ATAD2B: variants seen among roughly 807,000 people sequenced by gnomAD.
ATAD2B encodes the protein ATPase family AAA domain-containing protein 2B.
In ATAD2B, 40 loss-of-function variants were observed where a neutral mutation model predicts 167.6. The observed-to-expected ratio is 0.24, with a 90% CI of 0.19 to 0.31. ATAD2B has a LOEUF of 0.31. ATAD2B is among the 10% of genes least tolerant of loss of function. ATAD2B has a pLI of 1.00. For missense variants in ATAD2B, 1,242 were observed against 1,757.2 expected (o/e 0.71, Z 5.24); for synonymous variants, 579 against 596.5 (o/e 0.97, Z 0.43).
At chr2:23,808,085 A>G (rs1463239029) in intron 18 of ATAD2B, among the ~76,000 whole-genome samples, 1 of 134,792 alleles carries the variant, frequency 7.4e-6, no homozygotes, top group Non-Finnish European at 1.5e-5. Context: ...AAGTAATTAT[A>G]TATATAATTA....
In ATAD2B at chr2:23,823,245, T is replaced by G. The variant is rs1350033580; in HGVS notation, c.2131+13A>C. The G allele has an allele frequency of 3.2e-6, 5 of 1,578,848 alleles. No homozygotes were observed. The highest frequency in any genetic ancestry group is 3.5e-6 in the Non-Finnish European group (4 of 1,157,264). On this transcript the variant is annotated intron_variant, in intron 16 of 27. Coordinates refer to ENST00000238789, the MANE Select transcript of ATAD2B (RefSeq NM_017552.4). ...GTTTCATCTTAACAATATAAAAAAG[T>G]AGTTTAGAGTACCTTCTTTTTTGTC...
intron 17 of ATAD2B, among the ~76,000 whole-genome samples, chr2:23,819,158 T>A (rs752588056): frequency 3.3e-5 from 5 of 152,054 alleles, no homozygotes; most frequent in African/African-American, 1.2e-4. Flanking sequence ...AGGGTAAGCT[T>A]TCCTCTGCCT....
chr2:23,682,919 C>T, the ATAD2B span, among the ~76,000 whole-genome samples: 4 of 152,112 alleles, frequency 2.6e-5, no homozygotes, highest in Admixed American at 2.6e-4. The surrounding 1 kb of genome is among the most constrained non-coding windows in gnomAD (Gnocchi z 4.1). Context: ...GAGGGCAGGG[C>T]CCCCAACCCC....
intron 10 of ATAD2B, 27 bp downstream of exon 10, chr2:23,867,808 T>C (rs1447548015): frequency 6.6e-7 from 1 of 1,517,130 alleles, no homozygotes; most frequent in East Asian, 2.3e-5. Context: ...AAAAGAAAAC[T>C]TCTAGAAAAA....
In ATAD2B at chr2:23,817,976, C is replaced by T. The variant is rs923922978; in HGVS notation, c.2267+1771G>A. On this transcript the variant is annotated intron_variant, in intron 17 of 27. Transcript: ENST00000238789. ...ATCTATTTCTGTATTCCTTTATTGA[C>T]GACAATTATCTTATAAAATTAAACA... Among the ~76,000 whole-genome samples, 24 of 151,962 alleles carry T rather than the reference C, an allele frequency of 1.6e-4. 1 individual carries two copies. Among genetic ancestry groups the T allele is most frequent in the Admixed American group, 7.2e-4 (11 of 15,240 alleles).
intron 27 of ATAD2B, 65 bp downstream of exon 27, chr2:23,754,114 C>T: frequency 3.0e-6 from 4 of 1,348,082 alleles, no homozygotes; most frequent in African/African-American, 1.5e-5. Context: ...AACTTTTTTT[C>T]CTCTTTTCTT....
intron 22 of ATAD2B, among the ~76,000 whole-genome samples, chr2:23,779,158 AT>A (rs1056054774): frequency 1.8e-4 from 26 of 142,880 alleles, no homozygotes; most frequent in East Asian, 6.2e-4. Flanking sequence ...TGTTGGTATA[AT>A]TTTTTTTTTC....
the ATAD2B span, among the ~76,000 whole-genome samples, chr2:23,702,176 C>A: frequency 9.8e-4 from 149 of 152,112 alleles, 1 homozygote; most frequent in Non-Finnish European, 1.5e-3. Flanking sequence ...ACTATGGGAG[C>A]ACCTTGACTG....
intron 2 of ATAD2B, among the ~76,000 whole-genome samples, chr2:23,891,407 CTTAAA>C (rs1226948612): frequency 6.6e-6 from 1 of 152,060 alleles, no homozygotes; most frequent in East Asian, 1.9e-4. Flanking sequence ...AAGTTGTTCA[CTTAAA>C]TTGAGTGGGT....
chr2:23,914,711 G>A (rs150557852), intron 1 of ATAD2B, among the ~76,000 whole-genome samples: 2,249 of 151,950 alleles, frequency 0.015, 28 homozygotes, highest in Non-Finnish European at 0.024. Context: ...GCGAGGTGGC[G>A]GGCACCTGTA....
chr2:23,872,574 T>G, intron 8 of ATAD2B: 2 of 1,187,814 alleles, frequency 1.7e-6, no homozygotes, highest in Non-Finnish European at 2.5e-6. Flanking sequence ...TGATCCTCCG[T>G]GAGGTCTGCA....
chr2:23,746,075 A>T (rs1338749231), downstream of ATAD2B, among the ~76,000 whole-genome samples: 1 of 152,222 alleles, frequency 6.6e-6, no homozygotes, highest in Non-Finnish European at 1.5e-5. Flanking sequence ...GCCTCAGCTC[A>T]GGCAAGGAAC....
chr2:23,907,801 A>G (rs1249688219), intron 1 of ATAD2B, among the ~76,000 whole-genome samples: 12 of 152,132 alleles, frequency 7.9e-5, no homozygotes, highest in Non-Finnish European at 1.5e-4. Context: ...ATATAGAACA[A>G]TGGAACACAA....
At chr2:23,715,937 A>G in the ATAD2B span, among the ~76,000 whole-genome samples, 3 of 152,212 alleles carry the variant, frequency 2.0e-5, no homozygotes, top group African/African-American at 4.8e-5. Flanking sequence ...CCCCACCACA[A>G]ATAGCCTTTA....
rs1244603659 is a variant in ATAD2B at position 23,872,602 on chromosome 2, A to C, written c.978-2841T>G. 5.4e-6 allele frequency: 7 copies of C among 1,297,324 alleles called. No homozygotes were observed. In the African/African-American group the frequency reaches 5.8e-5, roughly 11 times the overall value. 80.4% of individuals were successfully genotyped at this position (1,297,324 alleles called of 1,614,324 possible). A position where few individuals can be genotyped will look rare whatever the true frequency, so the allele number is the denominator to read the frequency against. On this transcript the variant is annotated intron_variant, in intron 8 of 27. Coordinates refer to ENST00000238789, the MANE Select transcript of ATAD2B (RefSeq NM_017552.4). ...GGTCTGCATGCCTGCGATCCTTACT[A>C]ATGTTGCTGTAGAAAGGATGGTCAG...
Position 23,780,807 on chromosome 2 carries a change from C to T in ATAD2B, c.3133+2062G>A, listed in dbSNP as rs182397162. On this transcript the variant is annotated intron_variant, in intron 22 of 27. Coordinates refer to ENST00000238789, the MANE Select transcript of ATAD2B (RefSeq NM_017552.4). ...CCCAGCTACTCGGGAGGGTGAGGCA[C>T]GAGAAAGAATCACTTGAATCCAGGA... Among the ~76,000 whole-genome samples, 116 of 151,944 alleles carry T rather than the reference C, an allele frequency of 7.6e-4. 1 individual carries two copies. Among genetic ancestry groups the T allele is most frequent in the African/African-American group, 2.8e-3 (115 of 41,448 alleles).
the ATAD2B span, chr2:23,703,594 C>A: frequency 5.6e-6 from 7 of 1,250,630 alleles, no homozygotes; most frequent in Non-Finnish European, 7.6e-6. Context: ...GACCCATCCC[C>A]AGGCCAATCA....
the ATAD2B span, among the ~76,000 whole-genome samples, chr2:23,738,289 C>T: frequency 6.6e-6 from 1 of 152,218 alleles, no homozygotes; most frequent in Non-Finnish European, 1.5e-5. Flanking sequence ...ATGTTCAGGG[C>T]AGCCAGAGAG....
intron 1 of ATAD2B, among the ~76,000 whole-genome samples, chr2:23,901,704 C>T (rs1465567350): frequency 6.6e-6 from 1 of 152,054 alleles, no homozygotes; most frequent in Non-Finnish European, 1.5e-5. Flanking sequence ...AGGTCCAAGG[C>T]TTTTTGCTGC....
Sources: gnomAD v4.1 joint callset for allele counts (sites outside exome capture counted in the v4.1 genomes callset) on GRCh38, gnomAD v4.1.1 for gene constraint, Gnocchi (gnomAD v3.1) non-coding constraint, MANE v1.5 for transcripts, NCBI Gene and HGNC (gene_info 2026-07-23, HGNC 2026-07-21) for gene names.